Variants in KRT8 observed in about 807,000 individuals in gnomAD.
The protein encoded by KRT8 is keratin 8.
Under a neutral mutation model 43.0 loss-of-function variants are expected in KRT8, and 24 were observed. The observed-to-expected ratio is 0.56, with a 90% CI of 0.40 to 0.78. The LOEUF is 0.78. Among genes scored for constraint, KRT8 ranks in the 30% least tolerant of loss-of-function variants. The pLI is 0.00. For missense variants in KRT8, 492 were observed against 638.4 expected, an observed-to-expected ratio of 0.77 and a Z score of 2.47; for synonymous variants, 214 against 261.2, an observed-to-expected ratio of 0.82 and a Z score of 1.74.
chr12:52,897,460 C>T, exon 8 of KRT8: 1 of 1,599,482 alleles, frequency 6.3e-7, no homozygotes, highest in Middle Eastern at 1.8e-4. Flanking sequence ...GACTCAGACA[C>T]CAGCTTCCCA....
chr12:52,897,460 C>G (rs762571514), exon 8 of KRT8: 2 of 1,599,482 alleles, frequency 1.3e-6, no homozygotes, highest in Non-Finnish European at 1.7e-6. Context: ...GACTCAGACA[C>G]CAGCTTCCCA....
intron 2 of KRT8, chr12:52,926,458 C>T (rs1319770607): frequency 2.0e-6 from 3 of 1,533,102 alleles, no homozygotes; most frequent in South Asian, 1.2e-5. Flanking sequence ...ATTCCGCAAA[C>T]ATTTGCTGAA....
chr12:52,901,546 C>T (rs796391868), intron 2 of KRT8: 5 of 555,174 alleles, frequency 9.0e-6, no homozygotes, highest in African/African-American at 7.5e-5. Flanking sequence ...TAAAGAGGGG[C>T]CAGAATGTTA....
intron 2 of KRT8, among the ~76,000 whole-genome samples, chr12:52,940,246 A>C (rs975929798): frequency 6.6e-6 from 1 of 152,138 alleles, no homozygotes; most frequent in Non-Finnish European, 1.5e-5. Context: ...AGCCTGGCCA[A>C]TGTGGTGAAA....
chr12:52,918,026 A>AGAG (rs200134087), intron 2 of KRT8, among the ~76,000 whole-genome samples: 14,232 of 45,142 alleles, frequency 0.32, 2,004 homozygotes, highest in East Asian at 0.62. Context: ...GAGAAGAAGA[A>AGAG]GAGGAGGAGG....
At chr12:52,937,999 C>CAA (rs533386383) in intron 2 of KRT8, among the ~76,000 whole-genome samples, 20 of 52,716 alleles carry the variant, frequency 3.8e-4, no homozygotes, top group African/African-American at 1.3e-3. Flanking sequence ...AACTCCATCT[C>CAA]AAAAAAAAAA....
upstream of KRT8, among the ~76,000 whole-genome samples, chr12:52,906,129 C>T (rs1941513382): frequency 2.0e-5 from 3 of 152,276 alleles, no homozygotes; most frequent in Middle Eastern, 6.8e-3. Flanking sequence ...CTGAACATAA[C>T]CCAGGGGCTT....
exon 8 of KRT8, chr12:52,897,283 G>A (rs772552429): frequency 1.0e-5 from 8 of 790,412 alleles, no homozygotes; most frequent in South Asian, 8.4e-5. Context: ...GGGGTCCCCA[G>A]GTAGTAAACT....
upstream of KRT8, among the ~76,000 whole-genome samples, chr12:52,910,234 C>T (rs572754549): frequency 6.6e-6 from 1 of 152,294 alleles, no homozygotes; most frequent in Non-Finnish European, 1.5e-5. Flanking sequence ...CAAGATCGCC[C>T]GTGGGAGATT....
At chr12:52,940,461 A>C (rs1942249099) in intron 2 of KRT8, among the ~76,000 whole-genome samples, 1 of 151,270 alleles carries the variant, frequency 6.6e-6, no homozygotes, top group African/African-American at 2.4e-5. Context: ...GAAAAGTAAA[A>C]AGCTACACAA....
intron 2 of KRT8, among the ~76,000 whole-genome samples, chr12:52,918,036 G>GAGAAGA (rs71092792): frequency 0.43 from 48,746 of 112,696 alleles, 12,762 homozygotes; most frequent in African/African-American, 0.64. Flanking sequence ...AGAGGAGGAG[G>GAGAAGA]AGAAGAAGAA....
intron 2 of KRT8, among the ~76,000 whole-genome samples, chr12:52,942,017 A>T (rs1168027764): frequency 6.6e-6 from 1 of 152,190 alleles, no homozygotes; most frequent in Non-Finnish European, 1.5e-5. Context: ...AGCTTGTCAT[A>T]GCACCAATCA....
upstream of KRT8, among the ~76,000 whole-genome samples, chr12:52,905,989 G>A (rs963890026): frequency 3.3e-5 from 5 of 152,206 alleles, no homozygotes; most frequent in Non-Finnish European, 7.3e-5. Flanking sequence ...GCTGAGGCAG[G>A]AGAATCACTT....
chr12:52,904,414 C>T (rs1312713578), intron 1 of KRT8, among the ~76,000 whole-genome samples: 2 of 152,176 alleles, frequency 1.3e-5, no homozygotes, highest in Non-Finnish European at 2.9e-5. Flanking sequence ...CCAAGACCCT[C>T]CAGTTTAAAA....
At chr12:52,904,842 C>A in exon 1 of KRT8, 1 of 1,612,644 alleles carries the variant, frequency 6.2e-7, no homozygotes, top group Non-Finnish European at 8.5e-7. Flanking sequence ...CAGGCCACCG[C>A]GAAAGTTGCT....
chr12:52,911,619 A>G (rs1941638332), upstream of KRT8, among the ~76,000 whole-genome samples: 1 of 152,182 alleles, frequency 6.6e-6, no homozygotes, highest in Non-Finnish European at 1.5e-5. Context: ...CATAATCTCT[A>G]TTTTTACCAG....
chr12:52,920,022 G>C (rs1454053613), intron 2 of KRT8, among the ~76,000 whole-genome samples: 1 of 152,110 alleles, frequency 6.6e-6, no homozygotes, highest in South Asian at 2.1e-4. Context: ...AAAGCCCAAG[G>C]TCCTTTGGTT....
chr12:52,944,156 A>C (rs1942309111), intron 2 of KRT8, among the ~76,000 whole-genome samples: 2 of 152,124 alleles, frequency 1.3e-5, no homozygotes, highest in African/African-American at 4.8e-5. Flanking sequence ...AAACTCTCTA[A>C]GTGGATATTA....
At position 52,901,952 on chromosome 12, in the gene KRT8, G is replaced by A. The variant is rs1461470806; in HGVS notation, c.445C>T (p.Arg149Trp). The change falls in exon 2 of 8, where the codon CGG becomes TGG. Residue 149 changes from arginine to tryptophan, a missense_variant. Arg to Trp is a moderately radical substitution (Grantham distance 101). Coordinates refer to ENST00000692008, the Ensembl canonical transcript of KRT8. ...TCCTGGCCCAGAGTCTCCAGCTGCC[G>A]CCTAAGGTTGTTGATGTAGCTCTCG... is the stretch of plus-strand genomic sequence containing the variant. 15 of 1,609,232 alleles carry A rather than the reference G, an allele frequency of 9.3e-6. No individual in the cohort carries two copies. The highest frequency in any genetic ancestry group is 2.2e-4 in the Middle Eastern group (1 of 4,622).
Sources: gnomAD v4.1 joint callset for allele counts (sites outside exome capture counted in the v4.1 genomes callset) on GRCh38, gnomAD v4.1.1 for gene constraint, MANE v1.5 for transcripts, NCBI Gene and HGNC (gene_info 2026-07-23, HGNC 2026-07-21) for gene names.